The following LRRC8C variants were observed in gnomAD, a reference collection of about 807,000 sequenced individuals.
LRRC8C encodes the protein volume-regulated anion channel subunit LRRC8C.
In LRRC8C, 20 loss-of-function variants were observed where a neutral mutation model predicts 55.3. That is an observed-to-expected ratio of 0.36 (90% CI 0.25 to 0.53). The LOEUF (loss-of-function observed/expected upper bound fraction) is 0.53, where lower values mean the gene tolerates loss of function less well. Among genes scored for constraint, LRRC8C ranks in the 20% least tolerant of loss-of-function variants. The pLI is 0.92. For synonymous variants in LRRC8C, 376 were observed against 360.7 expected (o/e 1.04, Z -0.48); for missense variants, 659 against 951.4 (o/e 0.69, Z 4.04).
intron 1 of LRRC8C, 79 bp downstream of exon 1, chr1:89,633,401 G>GACCGGGACTCGCCCCGC (rs1656183146): frequency 1.3e-5 from 2 of 152,484 alleles, no homozygotes; most frequent in Admixed American, 1.3e-4. Context: ...GTGCGCGCCG[G>GACCGGGACTCGCCCCGC]ACCGGGACTC....
At chr1:89,710,461 A>T (rs908332823) in intron 2 of LRRC8C, among the ~76,000 whole-genome samples, 1 of 152,196 alleles carries the variant, frequency 6.6e-6, no homozygotes, top group Admixed American at 6.5e-5. Flanking sequence ...TGACATATTG[A>T]TTGATGTGGA....
Position 89,685,369 on chromosome 1 carries a change from C to G in LRRC8C, c.-4-1101C>G, listed in dbSNP as rs199802459. 6.0e-4 allele frequency among the ~76,000 whole-genome samples: 91 copies of G among 151,752 alleles called. No homozygotes were observed. The East Asian group carries it at 0.017, about 28-fold the overall frequency. On this transcript the variant is annotated intron_variant, in intron 1 of 2. Transcript: ENST00000370454. ...TGACCTCATGATCCACCCGCCTCGG[C>G]CTCCCAAAGTGCTGGGATTACAGGC...
At chr1:89,678,316 T>C (rs1657603073) in intron 1 of LRRC8C, among the ~76,000 whole-genome samples, 1 of 152,252 alleles carries the variant, frequency 6.6e-6, no homozygotes, top group Admixed American at 6.5e-5. Flanking sequence ...TTCTAGGTAC[T>C]TGTAACACAT....
the LRRC8C span, among the ~76,000 whole-genome samples, chr1:89,621,263 A>T: frequency 6.7e-6 from 1 of 150,338 alleles, no homozygotes. Context: ...GATCGAGATC[A>T]TCCTGGCTAA....
chr1:89,631,368 G>A (rs554326950), upstream of LRRC8C, among the ~76,000 whole-genome samples: 1 of 152,226 alleles, frequency 6.6e-6, no homozygotes, highest in South Asian at 2.1e-4. Flanking sequence ...CCTTGACACT[G>A]GGTAGCAAGG....
chr1:89,639,596 A>G (rs1373916318), intron 1 of LRRC8C, among the ~76,000 whole-genome samples: 2 of 152,110 alleles, frequency 1.3e-5, no homozygotes, highest in Admixed American at 6.5e-5. Context: ...TCAAACCTCC[A>G]GAAATATATT....
the LRRC8C span, chr1:89,625,224 T>C: frequency 6.6e-6 from 1 of 151,740 alleles, no homozygotes; most frequent in South Asian, 2.1e-4. Flanking sequence ...GATAAACATG[T>C]ATAATTTTAA....
At chr1:89,678,714 A>C (rs1657618234) in intron 1 of LRRC8C, among the ~76,000 whole-genome samples, 1 of 138,514 alleles carries the variant, frequency 7.2e-6, no homozygotes, top group Non-Finnish European at 1.6e-5. Context: ...AAAAAAAAAA[A>C]CGAAAGGAAG....
chr1:89,676,709 TAA>T (rs1204648879), intron 1 of LRRC8C, among the ~76,000 whole-genome samples: 2 of 152,204 alleles, frequency 1.3e-5, no homozygotes, highest in Non-Finnish European at 2.9e-5. Context: ...CTATCCTTGG[TAA>T]AATAAAAATA....
At chr1:89,682,102 G>A (rs765880144) in intron 1 of LRRC8C, among the ~76,000 whole-genome samples, 11 of 152,258 alleles carry the variant, frequency 7.2e-5, no homozygotes, top group Middle Eastern at 3.4e-3. Flanking sequence ...GCGTGAACCC[G>A]GGAGGCGGAG....
intron 1 of LRRC8C, among the ~76,000 whole-genome samples, chr1:89,634,003 T>G (rs1054425130): frequency 6.6e-6 from 1 of 152,060 alleles, no homozygotes; most frequent in African/African-American, 2.4e-5. Flanking sequence ...AGGGATGGAG[T>G]TAGCAACTCA....
chr1:89,662,693 C>T (rs1445436704), intron 1 of LRRC8C, among the ~76,000 whole-genome samples: 2 of 152,034 alleles, frequency 1.3e-5, no homozygotes, highest in African/African-American at 4.8e-5. Flanking sequence ...AAATAGAGCC[C>T]TAAACTCCAG....
At chr1:89,707,651 A>AGTGTGT (rs34052147) in intron 2 of LRRC8C, among the ~76,000 whole-genome samples, 2,837 of 140,020 alleles carry the variant, frequency 0.02, 57 homozygotes, top group African/African-American at 0.059. Flanking sequence ...TGTGTGTGTG[A>AGTGTGT]GTGTGTGTGT....
At chr1:89,701,634 T>C (rs1330395555) in intron 2 of LRRC8C, among the ~76,000 whole-genome samples, 1 of 152,202 alleles carries the variant, frequency 6.6e-6, no homozygotes, top group Non-Finnish European at 1.5e-5. Flanking sequence ...TTACCTTGTG[T>C]GGCACTACCC....
chr1:89,655,894 A>G (rs549402336), intron 1 of LRRC8C, among the ~76,000 whole-genome samples: 10 of 152,332 alleles, frequency 6.6e-5, no homozygotes, highest in Admixed American at 2.0e-4. Context: ...CACAACTCCA[A>G]GTTGAGTTCA....
chr1:89,660,423 G>A (rs1463394891), intron 1 of LRRC8C, among the ~76,000 whole-genome samples: 2 of 152,160 alleles, frequency 1.3e-5, no homozygotes, highest in Admixed American at 6.5e-5. Flanking sequence ...CACCCCAGCG[G>A]TTCTGATTTA....
chr1:89,653,914 C>T (rs1382741913), intron 1 of LRRC8C, among the ~76,000 whole-genome samples: 1 of 152,086 alleles, frequency 6.6e-6, no homozygotes, highest in Non-Finnish European at 1.5e-5. Context: ...ATCATTATAT[C>T]AAAAAGCTAC....
Position 89,716,364 on chromosome 1 carries a change from GT to G in LRRC8C, c.*1383del, listed in dbSNP as rs1369953309. On this transcript the variant is annotated 3_prime_UTR_variant, in exon 3 of 3. Transcript: ENST00000370454. Reference sequence around the variant, plus strand: ...GATTTCCCTCAAGCCTGCCCTTGCTGTGAACTAGTGCTACAAGCACGGGAAA... The same window carrying G: ...GATTTCCCTCAAGCCTGCCCTTGCTGGAACTAGTGCTACAAGCACGGGAAA... 6.6e-6 allele frequency: 1 copy of G among 152,180 alleles called. No homozygotes were observed. The allele number at this position is 152,180 out of a possible 1,614,324, so 9.4% of individuals were successfully genotyped here.
At chr1:89,658,332 T>C (rs1467832946) in intron 1 of LRRC8C, among the ~76,000 whole-genome samples, 1 of 152,236 alleles carries the variant, frequency 6.6e-6, no homozygotes, top group East Asian at 1.9e-4. Context: ...AATATTAACT[T>C]ATTCGGGTGT....
Sources: gnomAD v4.1 joint callset for allele counts (sites outside exome capture counted in the v4.1 genomes callset) on GRCh38, gnomAD v4.1.1 for gene constraint, MANE v1.5 for transcripts, NCBI Gene and HGNC (gene_info 2026-07-23, HGNC 2026-07-21) for gene names.